Variants in HSPB8 observed in about 807,000 individuals in gnomAD.
HSPB8 encodes heat shock protein beta-8.
HSPB8 carries 9 observed loss-of-function variants against 16.5 expected under a neutral mutation model. The observed-to-expected ratio is 0.55, with a 90% CI of 0.33 to 0.95. HSPB8 has a LOEUF of 0.95. HSPB8 is among the 40% of genes least tolerant of loss of function. HSPB8 has a pLI of 0.03. For synonymous variants in HSPB8, 99 were observed against 94.8 expected, an observed-to-expected ratio of 1.04 and a Z score of -0.26; for missense variants, 238 against 251.2, an observed-to-expected ratio of 0.95 and a Z score of 0.35.
chr12:119,193,610 T>G (rs1171920129), intron 2 of HSPB8, 89 bp from the exon 3 acceptor site: 1 of 1,418,984 alleles, frequency 7.0e-7, no homozygotes, highest in African/African-American at 1.4e-5. Flanking sequence ...GCCTAAGCTC[T>G]TATCAAAAAT....
chr12:119,186,117 A>G (rs1442126187), intron 1 of HSPB8, among the ~76,000 whole-genome samples: 1 of 152,210 alleles, frequency 6.6e-6, no homozygotes. Context: ...GAGAATTAGA[A>G]TGTGCTATAT....
rs764052153 is a variant in HSPB8 at position 119,178,950 on chromosome 12, G to A, written c.-363G>A. 6.1e-5 allele frequency: 21 copies of A among 342,160 alleles called. 1 individual carries two copies. Among genetic ancestry groups the A allele is most frequent in the African/African-American group, 3.1e-4 (15 of 47,626 alleles). The allele number at this position is 342,160 out of a possible 1,614,324, so 21.2% of individuals were successfully genotyped here. A position where few individuals can be genotyped will look rare whatever the true frequency, so the allele number is the denominator to read the frequency against. On this transcript the variant is annotated 5_prime_UTR_variant, in exon 1 of 3. Transcript: ENST00000281938. Reference sequence around the variant, plus strand: ...GGAGCCAGAAGAAGTTTCTAGGCGCGCGTGCCCTGGGTTTATTAAGCTCCT... The same window carrying A: ...GGAGCCAGAAGAAGTTTCTAGGCGCACGTGCCCTGGGTTTATTAAGCTCCT...
intron 1 of HSPB8, among the ~76,000 whole-genome samples, chr12:119,181,615 A>G (rs1954638176): frequency 6.6e-6 from 1 of 152,188 alleles, no homozygotes; most frequent in African/African-American, 2.4e-5. Context: ...ACAAGGAATT[A>G]GTATTATTAT....
chr12:119,193,046 G>A (rs1258591914), intron 2 of HSPB8, among the ~76,000 whole-genome samples: 1 of 152,170 alleles, frequency 6.6e-6, no homozygotes, highest in African/African-American at 2.4e-5. Flanking sequence ...TGAGATTTAG[G>A]TGGACACAGC....
chr12:119,192,914 C>T (rs973212835), intron 2 of HSPB8, among the ~76,000 whole-genome samples: 3 of 152,056 alleles, frequency 2.0e-5, no homozygotes, highest in African/African-American at 7.2e-5. Flanking sequence ...CGTCAGATCT[C>T]GTGAGACTTA....
chr12:119,192,381 G>A (rs1248668899), intron 2 of HSPB8, among the ~76,000 whole-genome samples: 1 of 152,054 alleles, frequency 6.6e-6, no homozygotes, highest in African/African-American at 2.4e-5. Flanking sequence ...AATTGGCTGG[G>A]CTCGGTGGCT....
intron 1 of HSPB8, among the ~76,000 whole-genome samples, chr12:119,185,131 T>A (rs564017481): frequency 1.2e-4 from 18 of 152,016 alleles, no homozygotes; most frequent in African/African-American, 4.3e-4. Flanking sequence ...ATGGCTTTTT[T>A]TTTTAATTTT....
intron 1 of HSPB8, among the ~76,000 whole-genome samples, chr12:119,185,648 A>ATTG (rs1954671509): frequency 6.6e-6 from 1 of 151,648 alleles, no homozygotes; most frequent in Non-Finnish European, 1.5e-5. Context: ...TATTATTATT[A>ATTG]TTATTTTTAG....
At chr12:119,190,151 A>G (rs1954703949) in intron 2 of HSPB8, among the ~76,000 whole-genome samples, 1 of 152,182 alleles carries the variant, frequency 6.6e-6, no homozygotes, top group African/African-American at 2.4e-5. Flanking sequence ...GGCTTGGTCC[A>G]TGGGAATTAA....
intron 2 of HSPB8, 36 bp downstream of exon 2, chr12:119,187,124 GT>G (rs1189492167): frequency 3.9e-6 from 6 of 1,557,136 alleles, no homozygotes; most frequent in African/African-American, 1.4e-5. Context: ...CAGGGTGGGA[GT>G]GGAGGAGGGG....
At position 119,187,023 on chromosome 12, in the gene HSPB8, A is replaced by G. The variant is rs112144360; in HGVS notation, c.368-2A>G. 1 of 1,613,998 alleles carries G rather than the reference A, an allele frequency of 6.2e-7. No homozygotes were observed. Among genetic ancestry groups the G allele is most frequent in the Admixed American group, 1.7e-5 (1 of 60,020 alleles). ...GACACGCCACACTTTTCTTCCTTCC[A>G]GGCAAACATGAAGAGAAACAGCAAG... On this transcript the variant is annotated splice_acceptor_variant, in intron 1 of 2. Transcript: ENST00000281938. LOFTEE classifies it high-confidence loss of function.
In HSPB8 at chr12:119,194,069, CA is replaced by C. The variant is rs1954729681; in HGVS notation, c.*215del. On this transcript the variant is annotated 3_prime_UTR_variant, in exon 3 of 3. Coordinates refer to ENST00000281938, the MANE Select transcript of HSPB8 (RefSeq NM_014365.3). Reference sequence around the variant, plus strand: ...CAAATCATGCTTGGTTGTGTTAGGCCAAAATACTAGTTTTGCTTTCTTTACC... The same window carrying C: ...CAAATCATGCTTGGTTGTGTTAGGCCAAATACTAGTTTTGCTTTCTTTACC... The C allele has an allele frequency of 1.6e-6, 1 of 612,836 alleles. No homozygotes were observed. Among genetic ancestry groups the C allele is most frequent in the East Asian group, 2.8e-5 (1 of 35,556 alleles). 38.0% of individuals were successfully genotyped at this position (612,836 alleles called of 1,614,324 possible). A position where few individuals can be genotyped will look rare whatever the true frequency, so the allele number is the denominator to read the frequency against.
intron 2 of HSPB8, 51 bp from the exon 3 acceptor site, chr12:119,193,647 GT>G: frequency 6.3e-7 from 1 of 1,580,176 alleles, no homozygotes; most frequent in Non-Finnish European, 8.7e-7. Flanking sequence ...ATAAAAGAAT[GT>G]TTAAGCAATA....
At chr12:119,185,974 C>T (rs77408469) in intron 1 of HSPB8, among the ~76,000 whole-genome samples, 3,240 of 152,238 alleles carry the variant, frequency 0.021, 124 homozygotes, top group African/African-American at 0.074. Context: ...TTCTTGCCTC[C>T]AGAAGGTGGC....
At chr12:119,186,960 G>C in intron 1 of HSPB8, 65 bp from the exon 2 acceptor site, 1 of 1,492,120 alleles carries the variant, frequency 6.7e-7, no homozygotes, top group Non-Finnish European at 9.3e-7. Context: ...TTGAACCCAA[G>C]CCTCAGTCCT....
At chr12:119,189,762 C>T (rs906708492) in intron 2 of HSPB8, among the ~76,000 whole-genome samples, 3 of 152,148 alleles carry the variant, frequency 2.0e-5, no homozygotes, top group African/African-American at 7.2e-5. Context: ...GGTCCATGAT[C>T]CGGGGGATGG....
Position 119,187,100 on chromosome 12 carries a change from G to A in HSPB8, c.431+12G>A, listed in dbSNP as rs770368055. On this transcript the variant is annotated intron_variant, in intron 2 of 2. Coordinates refer to ENST00000281938, the MANE Select transcript of HSPB8 (RefSeq NM_014365.3). ...ACAAAGAAAATCCAGTAAGTAACCT[G>A]GAGTCATGGAGCTCAGGGTGGGAGT... 4 of 1,610,116 alleles carry A rather than the reference G, an allele frequency of 2.5e-6. No homozygotes were observed. The highest frequency in any genetic ancestry group is 3.4e-6 in the Non-Finnish European group (4 of 1,176,460).
chr12:119,186,321 C>T (rs180686982), intron 1 of HSPB8, among the ~76,000 whole-genome samples: 1 of 152,284 alleles, frequency 6.6e-6, no homozygotes, highest in African/African-American at 2.4e-5. Context: ...CCAGGCTGTG[C>T]TTTCACTACT....
chr12:119,186,689 G>T, intron 1 of HSPB8: 1 of 339,574 alleles, frequency 2.9e-6, no homozygotes, highest in Non-Finnish European at 5.7e-6. Context: ...AGTCAGGTGG[G>T]AGACTTGGAA....
Sources: gnomAD v4.1 joint callset for allele counts (sites outside exome capture counted in the v4.1 genomes callset) on GRCh38, gnomAD v4.1.1 for gene constraint, MANE v1.5 for transcripts, NCBI Gene and HGNC (gene_info 2026-07-23, HGNC 2026-07-21) for gene names.